Variants in NPAS3 observed in about 807,000 individuals in gnomAD.
The protein encoded by NPAS3 is neuronal PAS domain protein 3.
A neutral mutation model predicts 73.1 loss-of-function variants in NPAS3; 14 were observed. The observed-to-expected ratio is 0.19, with a 90% CI of 0.13 to 0.30. The LOEUF is 0.30. Ranked by LOEUF, NPAS3 falls within the 10% of genes least tolerant of loss-of-function variation. The pLI, the probability that NPAS3 is intolerant of heterozygous loss-of-function variation, is 1.00. For synonymous variants in NPAS3, 620 were observed against 541.5 expected, an observed-to-expected ratio of 1.14 and a Z score of -2.01; for missense variants, 1,096 against 1,250.0, an observed-to-expected ratio of 0.88 and a Z score of 1.86.
chr14:33,593,750 G>A (rs906061901), intron 5 of NPAS3, among the ~76,000 whole-genome samples: 2 of 152,132 alleles, frequency 1.3e-5, no homozygotes, highest in African/African-American at 4.8e-5. Flanking sequence ...AAATTATTAG[G>A]AGTCCTTACT....
At chr14:33,025,099 A>G (rs564494418) in intron 1 of NPAS3, among the ~76,000 whole-genome samples, 1 of 152,098 alleles carries the variant, frequency 6.6e-6, no homozygotes, top group Admixed American at 6.5e-5. Flanking sequence ...AGAAGTTTAT[A>G]AAAAAAGAGG....
chr14:33,546,595 G>C (rs145239677), intron 4 of NPAS3, among the ~76,000 whole-genome samples: 1 of 152,164 alleles, frequency 6.6e-6, no homozygotes, highest in African/African-American at 2.4e-5. Context: ...ATGTGGGACA[G>C]GGATTTTTAT....
At chr14:33,182,294 G>T (rs1252632417) in intron 2 of NPAS3, among the ~76,000 whole-genome samples, 1 of 152,118 alleles carries the variant, frequency 6.6e-6, no homozygotes, top group African/African-American at 2.4e-5. Flanking sequence ...AACAAACATA[G>T]TAGTATGAAA....
intron 1 of NPAS3, among the ~76,000 whole-genome samples, chr14:33,028,793 A>C (rs541870623): frequency 1.3e-5 from 2 of 152,248 alleles, no homozygotes; most frequent in South Asian, 4.2e-4. Context: ...GTGATGGAGG[A>C]GATACATACA....
intron 4 of NPAS3, among the ~76,000 whole-genome samples, chr14:33,550,662 G>A (rs1034277741): frequency 6.6e-6 from 1 of 152,192 alleles, no homozygotes; most frequent in Non-Finnish European, 1.5e-5. Flanking sequence ...CAAAGCAGCC[G>A]AGAGCCATAG....
chr14:33,408,380 A>C (rs1039764730), intron 4 of NPAS3, among the ~76,000 whole-genome samples: 1 of 152,156 alleles, frequency 6.6e-6, no homozygotes, highest in Non-Finnish European at 1.5e-5. Context: ...CCACCTTGTC[A>C]TAACCTCACA....
chr14:33,729,424 A>T (rs1175376682), intron 6 of NPAS3, among the ~76,000 whole-genome samples: 1 of 152,192 alleles, frequency 6.6e-6, no homozygotes, highest in Non-Finnish European at 1.5e-5. Flanking sequence ...TGACGGCTTT[A>T]AAAAAGCAAA....
chr14:33,191,438 T>G (rs901047604), intron 2 of NPAS3, among the ~76,000 whole-genome samples: 1 of 152,168 alleles, frequency 6.6e-6, no homozygotes, highest in African/African-American at 2.4e-5. Context: ...TAGGTGACAG[T>G]ATAGGATGGC....
At chr14:33,244,964 C>G (rs895547187) in intron 3 of NPAS3, among the ~76,000 whole-genome samples, 2 of 152,216 alleles carry the variant, frequency 1.3e-5, no homozygotes, top group African/African-American at 4.8e-5. Flanking sequence ...ATCTTGACAA[C>G]AAATACACAT....
At chr14:33,508,261 T>C (rs1169434244) in intron 4 of NPAS3, among the ~76,000 whole-genome samples, 2 of 152,040 alleles carry the variant, frequency 1.3e-5, no homozygotes, top group African/African-American at 2.4e-5. Context: ...GCTGTTTAAT[T>C]CAGAACAAAA....
intron 2 of NPAS3, among the ~76,000 whole-genome samples, chr14:33,134,127 C>T (rs148359452): frequency 3.9e-5 from 6 of 152,152 alleles, no homozygotes; most frequent in African/African-American, 1.4e-4. Flanking sequence ...TGGAATCTGA[C>T]AAGTGAATTT....
intron 5 of NPAS3, among the ~76,000 whole-genome samples, chr14:33,565,916 T>C (rs776820037): frequency 1.7e-4 from 26 of 151,814 alleles, no homozygotes; most frequent in Non-Finnish European, 2.6e-4. Flanking sequence ...CAGAAAAATA[T>C]ATAATTTTCT....
chr14:33,183,421 GTTTTTTTTTTTTTTTTTTT>G lies in NPAS3; in HGVS notation c.141-31743_141-31725del, dbSNP rs55643715. On this transcript the variant is annotated intron_variant, in intron 2 of 11. Transcript: ENST00000356141. ...AGCCTGGGCGACAGAGTGAGACTCTGTTTTTTTTTTTTTTTTTTTTTTTTTTTTTTTTTTTTGAAACAAT... is the reference window on the plus strand; with the variant it reads ...AGCCTGGGCGACAGAGTGAGACTCTGTTTTTTTTTTTTTTTTTGAAACAAT... Among the ~76,000 whole-genome samples, 62 of 60,798 alleles carry G rather than the reference GTTTTTTTTTTTTTTTTTTT, an allele frequency of 1.0e-3. 1 individual carries two copies. The highest frequency in any genetic ancestry group is 4.6e-3 in the East Asian group (10 of 2,166). The allele number at this position is 60,798 out of a possible 152,430, so 39.9% of individuals were successfully genotyped here.
chr14:33,108,070 T>C (rs2138939222), intron 2 of NPAS3, among the ~76,000 whole-genome samples: 1 of 152,308 alleles, frequency 6.6e-6, no homozygotes, highest in Non-Finnish European at 1.5e-5. Context: ...GGATTCCCAG[T>C]GCTACTAGTT....
chr14:33,532,660 T>G (rs113995580), intron 4 of NPAS3, among the ~76,000 whole-genome samples: 1,676 of 152,236 alleles, frequency 0.011, 26 homozygotes, highest in African/African-American at 0.038. Context: ...ATGAATGAAG[T>G]GATTGCATAT....
intron 4 of NPAS3, among the ~76,000 whole-genome samples, chr14:33,557,931 C>A (rs929187348): frequency 6.6e-6 from 1 of 152,020 alleles, no homozygotes; most frequent in Non-Finnish European, 1.5e-5. Flanking sequence ...GTCTCGCTAC[C>A]GCACTCCAGC....
intron 1 of NPAS3, among the ~76,000 whole-genome samples, chr14:32,943,643 G>A (rs78694450): frequency 0.039 from 5,938 of 150,838 alleles, 161 homozygotes; most frequent in South Asian, 0.087. Context: ...TAAGCAGTAG[G>A]TCTTCATATT....
intron 6 of NPAS3, among the ~76,000 whole-genome samples, chr14:33,718,003 T>C (rs1171030477): frequency 6.6e-6 from 1 of 151,864 alleles, no homozygotes; most frequent in Admixed American, 6.6e-5. Context: ...TAATGGGTTT[T>C]TTTTTTTTAA....
At chr14:33,801,244 A>T, downstream of NPAS3, 1 of 1,445,338 alleles carries the variant, frequency 6.9e-7, no homozygotes, top group East Asian at 2.5e-5. Context: ...TCCCCATTCC[A>T]CCCCCTCTTT....
Sources: allele counts gnomAD v4.1 joint callset (sites outside exome capture counted in the v4.1 genomes callset), GRCh38; gene constraint gnomAD v4.1.1; transcripts MANE v1.5; gene names NCBI Gene and HGNC (gene_info 2026-07-23, HGNC 2026-07-21).